The following HNRNPAB variants were observed in gnomAD, a reference collection of about 807,000 sequenced individuals.
HNRNPAB encodes the protein ABBP-1.
HNRNPAB carries 17 observed loss-of-function variants against 44.1 expected under a neutral mutation model. That is an observed-to-expected ratio of 0.39 (90% CI 0.26 to 0.58). The LOEUF (loss-of-function observed/expected upper bound fraction) is 0.58. Ranked by LOEUF, HNRNPAB falls within the 20% of genes least tolerant of loss-of-function variation. HNRNPAB has a pLI of 0.63. For synonymous variants in HNRNPAB, 183 were observed against 167.6 expected, an observed-to-expected ratio of 1.09 and a Z score of -0.71; for missense variants, 393 against 432.7, an observed-to-expected ratio of 0.91 and a Z score of 0.81.
At chr5:178,207,691 CTTTTTTTTTT>C (rs34424574) in intron 5 of HNRNPAB, among the ~76,000 whole-genome samples, 18 of 78,774 alleles carry the variant, frequency 2.3e-4, no homozygotes, top group Non-Finnish European at 2.7e-4. Flanking sequence ...ACTTTGAGCA[CTTTTTTTTTT>C]TTTTTTTTTT....
intron 2 of HNRNPAB, 74 bp from the exon 3 acceptor site, chr5:178,205,768 C>T: frequency 6.8e-7 from 1 of 1,465,030 alleles, no homozygotes. Context: ...GAGAACTTTG[C>T]CAGGGCCAGT....
intron 2 of HNRNPAB, among the ~76,000 whole-genome samples, chr5:178,205,314 G>C (rs1417689172): frequency 6.6e-6 from 1 of 151,554 alleles, no homozygotes; most frequent in African/African-American, 2.4e-5. Context: ...GCGCAGGGGC[G>C]GGCGGATGGC....
intron 7 of HNRNPAB, 132 bp from the exon 8 acceptor site, chr5:178,210,421 G>A: frequency 6.5e-7 from 1 of 1,531,442 alleles, no homozygotes; most frequent in Non-Finnish European, 8.9e-7. Flanking sequence ...TTAGACTTCG[G>A]GGTCTTAATA....
In HNRNPAB at chr5:178,207,186, G is replaced by A. The variant is rs772300151; in HGVS notation, c.630G>A (p.Lys210=). The A allele has an allele frequency of 3.1e-6, 5 of 1,614,072 alleles. No homozygotes were observed. In the African/African-American group the frequency reaches 4.0e-5, roughly 13 times the overall value. The change falls in exon 5 of 8, where the codon AAG becomes AAA. Residue 210 remains lysine, a synonymous_variant. Transcript: ENST00000358344. ...TTAAAGAAGAAGAACCCGTGAAGAA[G>A]GTTCTGGAGAAAAAGTTCCATACTG... ...ITFKEEEPVK[K]VLEKKFHTVS...
chr5:178,208,005 A>T (rs1334756047), intron 5 of HNRNPAB, among the ~76,000 whole-genome samples: 1 of 152,086 alleles, frequency 6.6e-6, no homozygotes, highest in African/African-American at 2.4e-5. Flanking sequence ...GTTAACCCTA[A>T]ACCCAGGCAA....
Position 178,204,950 on chromosome 5 carries a change from C to G in HNRNPAB, c.113C>G (p.Ala38Gly). ...SPAGAGTGAA[A>G]GAGGATAAPP... ...GCCGGGGCTGGCACGGGCGCCGCGG[C>G]GGGGGCTGGAGGCGCGACCGCGGCG... The change falls in exon 2 of 8, where the codon GCG becomes GGG. Residue 38 changes from alanine (A) to glycine (G), a missense_variant. By Grantham distance (60) the Ala-to-Gly change is moderately conservative. Around this residue, in one of 3 missense-constraint regions of HNRNPAB, gnomAD observed 81 missense variants for 73.4 expected, o/e 1.10. Transcript: ENST00000358344. The G allele has an allele frequency of 1.7e-6, 2 of 1,209,144 alleles. No individual in the cohort carries two copies. The highest frequency in any genetic ancestry group is 2.1e-6 in the Non-Finnish European group (2 of 973,402). 74.9% of individuals were successfully genotyped at this position (1,209,144 alleles called of 1,614,324 possible). A position where few individuals can be genotyped will look rare whatever the true frequency, so the allele number is the denominator to read the frequency against.
At chr5:178,209,283 C>G (rs1757420024) in intron 5 of HNRNPAB, 47 bp from the exon 6 acceptor site, 2 of 1,472,548 alleles carry the variant, frequency 1.4e-6, no homozygotes, top group Non-Finnish European at 1.9e-6. Flanking sequence ...GCAGTCACTG[C>G]CCTGAGTTTG....
chr5:178,206,940 CT>C, intron 4 of HNRNPAB, 50 bp downstream of exon 4: 1 of 1,605,032 alleles, frequency 6.2e-7, no homozygotes, highest in South Asian at 1.1e-5. Flanking sequence ...AGGCTGCCTT[CT>C]TTCTGGTCCT....
intron 5 of HNRNPAB, among the ~76,000 whole-genome samples, chr5:178,207,691 C>CTTTTTTTTTTTTTTTTTTTT (rs34424574): frequency 1.3e-5 from 1 of 78,756 alleles, no homozygotes. Flanking sequence ...ACTTTGAGCA[C>CTTTTTTTTTTTTTTTTTTTT]TTTTTTTTTT....
At chr5:178,207,064 T>G (rs772860527) in intron 4 of HNRNPAB, 30 bp from the exon 5 acceptor site, 1 of 1,613,158 alleles carries the variant, frequency 6.2e-7, no homozygotes, top group Non-Finnish European at 8.5e-7. Context: ...AGGGAGGTAT[T>G]GGGCCTGAGT....
rs75426247 is a variant in HNRNPAB at position 178,209,475 on chromosome 5, C to A, written c.787+28C>A. 3.0e-3 allele frequency: 4,752 copies of A among 1,578,334 alleles called. 133 individuals are homozygous for A. In the African/African-American group the frequency reaches 0.057, roughly 19 times the overall value. The stretch of plus-strand genomic sequence containing the variant: ...GAGTGGAACGTGGATGAAGATAGGT[C>A]CTGTTTCCCTGCCTACATGGAGCCT... On this transcript the variant is annotated intron_variant, in intron 6 of 7. Coordinates refer to ENST00000358344, the MANE Select transcript of HNRNPAB (RefSeq NM_031266.3).
Position 178,206,717 on chromosome 5 carries a change from T to C in HNRNPAB, c.379-15T>C, listed in dbSNP as rs763303922. 8 of 1,612,642 alleles carry C rather than the reference T, an allele frequency of 5.0e-6. No individual in the cohort carries two copies. In the Middle Eastern group the frequency reaches 5.7e-4, roughly 114 times the overall value. On this transcript the variant is annotated splice_polypyrimidine_tract_variant and intron_variant, in intron 3 of 7. Transcript: ENST00000358344. ...CGTGCTGCTGAGTCAGCCTGACCCCTTTCTGTTGGAACAGGTCCTAGACCA... is the reference window on the plus strand; with the variant it reads ...CGTGCTGCTGAGTCAGCCTGACCCCCTTCTGTTGGAACAGGTCCTAGACCA...
Position 178,205,041 on chromosome 5 carries a change from C to T in HNRNPAB, c.204C>T (p.Asp68=). The change falls in exon 2 of 8, where the codon GAC becomes GAT. Residue 68 remains aspartate (D), a synonymous_variant. Transcript: ENST00000358344. ...TCAACGCCAGCAAGAACGAGGAGGACGCGGGGTAGGTGCGGCCGCGGGCGG... is the reference window on the plus strand; with the variant it reads ...TCAACGCCAGCAAGAACGAGGAGGATGCGGGGTAGGTGCGGCCGCGGGCGG... ...DQINASKNEE[D]AGKMFVGGLS... The T allele has an allele frequency of 3.3e-6, 4 of 1,206,416 alleles. No homozygotes were observed. The highest frequency in any genetic ancestry group is 1.6e-5 in the African/African-American group (1 of 63,248). The allele number at this position is 1,206,416 out of a possible 1,614,324, so 74.7% of individuals were successfully genotyped here.
At chr5:178,205,360 C>T (rs570567319) in intron 2 of HNRNPAB, among the ~76,000 whole-genome samples, 403 of 151,934 alleles carry the variant, frequency 2.7e-3, no homozygotes, top group Middle Eastern at 0.01. Flanking sequence ...CGGGGCCCGG[C>T]GGCGTCTTGG....
At chr5:178,208,643 C>G (rs1218345531) in intron 5 of HNRNPAB, 1 of 152,210 alleles carries the variant, frequency 6.6e-6, no homozygotes, top group Non-Finnish European at 1.5e-5. Context: ...TAGAAATACA[C>G]TGGTCTGGTC....
intron 7 of HNRNPAB, 44 bp downstream of exon 7, chr5:178,210,316 C>T: frequency 6.2e-7 from 1 of 1,612,996 alleles, no homozygotes; most frequent in South Asian, 1.1e-5. Context: ...CCCCTCGTCC[C>T]CAGGGGAGGC....
rs1026653823 is a variant in HNRNPAB, at chr5:178,206,623, G to A, written c.379-109G>A. The A allele has an allele frequency of 1.1e-5, 12 of 1,073,390 alleles. No individual in the cohort carries two copies. The African/African-American group carries it at 1.8e-4, about 16-fold the overall frequency. The allele number at this position is 1,073,390 out of a possible 1,614,324, so 66.5% of individuals were successfully genotyped here. On this transcript the variant is annotated intron_variant, in intron 3 of 7. Transcript: ENST00000358344. ...AGGTTAAGCTGGGGTAGAATTTGGAGGGGGTGAAACACATGTTTGTATCTG... is the reference window on the plus strand; with the variant it reads ...AGGTTAAGCTGGGGTAGAATTTGGAAGGGGTGAAACACATGTTTGTATCTG...
rs369773725 is a variant in HNRNPAB, at chr5:178,206,830, G to C, written c.477G>C (p.Gly159=). Residue 159 remains glycine, a synonymous_variant, in exon 4 of 8, where the codon GGG becomes GGC. Transcript: ENST00000358344. The part of the protein sequence containing the change: ...KKDPVKKIFV[G]GLNPEATEEK... The stretch of plus-strand genomic sequence containing the variant: ...ACCCGGTGAAGAAAATCTTCGTTGG[G>C]GGTCTGAATCCTGAAGCCACTGAGG... 312 of 1,614,158 alleles carry C rather than the reference G, an allele frequency of 1.9e-4. 4 individuals are homozygous for C. The South Asian group carries it at 3.3e-3, about 17-fold the overall frequency.
chr5:178,207,567 C>T (rs1460153708), intron 5 of HNRNPAB, among the ~76,000 whole-genome samples: 1 of 152,088 alleles, frequency 6.6e-6, no homozygotes, highest in Non-Finnish European at 1.5e-5. Flanking sequence ...AGTTTAAGGT[C>T]TCAGAAGATC....
Sources: gnomAD v4.1 joint callset for allele counts (sites outside exome capture counted in the v4.1 genomes callset) on GRCh38, gnomAD v4.1.1 for gene constraint, gnomAD v4.1.1 regional missense constraint, MANE v1.5 for transcripts, NCBI Gene and HGNC (gene_info 2026-07-23, HGNC 2026-07-21) for gene names.